The following ZFAT variants were observed in gnomAD, a reference collection of about 807,000 sequenced individuals.
ZFAT encodes zinc finger protein ZFAT.
In ZFAT, 64 loss-of-function variants were observed where a neutral mutation model predicts 117.7. The observed-to-expected ratio is 0.54, with a 90% CI of 0.44 to 0.67. ZFAT has a LOEUF of 0.67. Ranked by LOEUF, ZFAT falls within the 30% of genes least tolerant of loss-of-function variation. The pLI is 0.00. For synonymous variants in ZFAT, 679 were observed against 615.0 expected (o/e 1.10, Z -1.54); for missense variants, 1,433 against 1,584.5 (o/e 0.90, Z 1.62).
the ZFAT span, among the ~76,000 whole-genome samples, chr8:134,719,463 G>A: frequency 6.6e-6 from 1 of 152,152 alleles, no homozygotes; most frequent in African/African-American, 2.4e-5. Flanking sequence ...CAGCAGCGAG[G>A]GTGAGAGCCA....
At chr8:134,514,839 T>C (rs374577424) in intron 13 of ZFAT, among the ~76,000 whole-genome samples, 29 of 152,316 alleles carry the variant, frequency 1.9e-4, no homozygotes, top group Middle Eastern at 3.4e-3. Flanking sequence ...CTCTAAGTTC[T>C]GGGGTACATG....
intron 2 of ZFAT, among the ~76,000 whole-genome samples, chr8:134,644,842 C>T (rs1329744529): frequency 6.6e-6 from 1 of 152,134 alleles, no homozygotes; most frequent in Non-Finnish European, 1.5e-5. Context: ...CACGTGCACA[C>T]TCACACACCA....
intron 11 of ZFAT, among the ~76,000 whole-genome samples, chr8:134,544,281 C>T (rs376691869): frequency 4.9e-4 from 74 of 152,218 alleles, no homozygotes; most frequent in African/African-American, 1.7e-3. Flanking sequence ...GCTCCCCCAG[C>T]AGCCAGTGCA....
chr8:134,578,736 G>A (rs1322727910), intron 10 of ZFAT, among the ~76,000 whole-genome samples: 1 of 152,210 alleles, frequency 6.6e-6, no homozygotes, highest in African/African-American at 2.4e-5. Flanking sequence ...AGGATGGCAT[G>A]AGGGTGTTGA....
At chr8:134,612,245 G>T (rs919048931) in intron 3 of ZFAT, among the ~76,000 whole-genome samples, 3 of 152,238 alleles carry the variant, frequency 2.0e-5, no homozygotes. Flanking sequence ...AGCAGGGTGC[G>T]CAAGCGCAAG....
chr8:134,573,635 T>C (rs1430632324), intron 10 of ZFAT, among the ~76,000 whole-genome samples: 1 of 152,208 alleles, frequency 6.6e-6, no homozygotes. Flanking sequence ...CTGGTTGAAC[T>C]CTCCTTCAAA....
chr8:134,672,724 C>T (rs373575541), intron 1 of ZFAT, among the ~76,000 whole-genome samples: 1 of 152,126 alleles, frequency 6.6e-6, no homozygotes, highest in East Asian at 1.9e-4. Context: ...AATGGCACAA[C>T]ATTTTTCAAA....
chr8:134,536,888 A>G (rs1253859507), intron 11 of ZFAT, among the ~76,000 whole-genome samples: 1 of 152,230 alleles, frequency 6.6e-6, no homozygotes, highest in Non-Finnish European at 1.5e-5. Context: ...CAGAGCTTTC[A>G]GGACAGAATC....
At chr8:134,727,234 A>G in the ZFAT span, among the ~76,000 whole-genome samples, 3 of 152,184 alleles carry the variant, frequency 2.0e-5, no homozygotes, top group African/African-American at 7.2e-5. Context: ...AGGTCTCTGC[A>G]AGTAGGCGAC....
the ZFAT span, among the ~76,000 whole-genome samples, chr8:134,807,715 GA>G: frequency 3.1e-3 from 383 of 124,400 alleles, 2 homozygotes; most frequent in African/African-American, 8.3e-3. Context: ...CAATTACATG[GA>G]AAAAAAAAAA....
intron 3 of ZFAT, among the ~76,000 whole-genome samples, chr8:134,613,029 A>C (rs1828454988): frequency 6.6e-6 from 1 of 152,240 alleles, no homozygotes; most frequent in African/African-American, 2.4e-5. Context: ...TGGCCTACAT[A>C]CTGGGTGATA....
At chr8:134,484,024 C>T (rs562974873) in intron 15 of ZFAT, among the ~76,000 whole-genome samples, 2 of 152,294 alleles carry the variant, frequency 1.3e-5, no homozygotes, top group African/African-American at 2.4e-5. Flanking sequence ...TCACTTCCTT[C>T]GTAAAACCCA....
At chr8:134,640,475 C>T (rs1343741280) in intron 2 of ZFAT, among the ~76,000 whole-genome samples, 2 of 152,138 alleles carry the variant, frequency 1.3e-5, no homozygotes, top group African/African-American at 4.8e-5. Flanking sequence ...CACAGCACAG[C>T]GTGTGGTACA....
intron 4 of ZFAT, among the ~76,000 whole-genome samples, chr8:134,609,161 C>A (rs979552838): frequency 4.0e-5 from 6 of 151,872 alleles, no homozygotes; most frequent in Non-Finnish European, 8.8e-5. Context: ...CATATACACA[C>A]ACACACATAT....
intron 15 of ZFAT, among the ~76,000 whole-genome samples, chr8:134,480,030 T>C (rs1425102473): frequency 1.3e-5 from 2 of 150,182 alleles, no homozygotes; most frequent in African/African-American, 4.9e-5. Flanking sequence ...CTCAGCTCAC[T>C]GCAACCCTGC....
At chr8:134,824,616 T>C in the ZFAT span, among the ~76,000 whole-genome samples, 1 of 152,370 alleles carries the variant, frequency 6.6e-6, no homozygotes, top group South Asian at 2.1e-4. Flanking sequence ...AAATATGTTC[T>C]ACTTACTTCA....
the ZFAT span, among the ~76,000 whole-genome samples, chr8:134,801,435 A>G: frequency 1.3e-5 from 2 of 152,208 alleles, no homozygotes; most frequent in Non-Finnish European, 2.9e-5. Flanking sequence ...ACTACATATA[A>G]TAACCACTGC....
At chr8:134,748,762 G>A in the ZFAT span, among the ~76,000 whole-genome samples, 6 of 152,114 alleles carry the variant, frequency 3.9e-5, no homozygotes, top group Non-Finnish European at 7.4e-5. Flanking sequence ...CCAATCGCAG[G>A]TGTGTAGTTG....
intron 1 of ZFAT, among the ~76,000 whole-genome samples, chr8:134,703,500 G>A (rs1470090570): frequency 6.6e-6 from 1 of 152,132 alleles, no homozygotes; most frequent in Non-Finnish European, 1.5e-5. Context: ...GCCCAGATAG[G>A]GCCTCACACA....
Sources: allele counts gnomAD v4.1 joint callset (sites outside exome capture counted in the v4.1 genomes callset), GRCh38; gene constraint gnomAD v4.1.1; transcripts MANE v1.5; gene names NCBI Gene and HGNC (gene_info 2026-07-23, HGNC 2026-07-21).